Variants in CLNK observed in about 807,000 individuals in gnomAD.
CLNK encodes cytokine-dependent hematopoietic cell linker.
A neutral mutation model predicts 68.6 loss-of-function variants in CLNK; 74 were observed. The observed-to-expected ratio is 1.08, with a 90% CI of 0.89 to 1.31. The LOEUF (loss-of-function observed/expected upper bound fraction) is 1.31, where lower values mean the gene tolerates loss of function less well. Among genes scored for constraint, CLNK ranks in the 50% most tolerant of loss-of-function variants. The pLI, the probability that CLNK is intolerant of heterozygous loss-of-function variation, is 0.00. For synonymous variants in CLNK, 198 were observed against 172.2 expected, an observed-to-expected ratio of 1.15 and a Z score of -1.17; for missense variants, 553 against 515.3, an observed-to-expected ratio of 1.07 and a Z score of -0.71.
At chr4:10,682,770 G>A (rs1037727481) in intron 1 of CLNK, among the ~76,000 whole-genome samples, 7 of 151,818 alleles carry the variant, frequency 4.6e-5, no homozygotes, top group African/African-American at 1.2e-4. Flanking sequence ...GCTCTAATAC[G>A]TGCTCTGCCT....
intron 4 of CLNK, among the ~76,000 whole-genome samples, chr4:10,573,193 A>T (rs902915195): frequency 2.0e-5 from 3 of 152,206 alleles, no homozygotes; most frequent in Non-Finnish European, 4.4e-5. Context: ...ATATGAAATA[A>T]AGAGTTGTTA....
chr4:10,652,853 T>C (rs975093983), intron 2 of CLNK, among the ~76,000 whole-genome samples: 9 of 152,154 alleles, frequency 5.9e-5, no homozygotes, highest in African/African-American at 2.2e-4. Context: ...TGCAAAAAAA[T>C]GCCCCTTATA....
intron 2 of CLNK, among the ~76,000 whole-genome samples, chr4:10,609,320 T>G (rs1721916233): frequency 6.6e-6 from 1 of 152,218 alleles, no homozygotes; most frequent in South Asian, 2.1e-4. Flanking sequence ...TCATACTTAG[T>G]CAGAACTCCT....
At chr4:10,551,493 T>A (rs1367342987) in intron 8 of CLNK, among the ~76,000 whole-genome samples, 1 of 152,052 alleles carries the variant, frequency 6.6e-6, no homozygotes, top group Non-Finnish European at 1.5e-5. Flanking sequence ...GTCTCGAAAC[T>A]CCTGGGCTCA....
chr4:10,635,945 A>G (rs775376993), intron 2 of CLNK: 12 of 152,204 alleles, frequency 7.9e-5, no homozygotes, highest in Non-Finnish European at 1.5e-4. Context: ...GTTCTCTGCA[A>G]TTTGCTTTTC....
the CLNK span, among the ~76,000 whole-genome samples, chr4:10,701,287 G>A: frequency 6.6e-6 from 1 of 152,204 alleles, no homozygotes; most frequent in East Asian, 1.9e-4. Flanking sequence ...CCGCTTAAAA[G>A]TATTGTCTTC....
intron 2 of CLNK, among the ~76,000 whole-genome samples, chr4:10,647,280 C>T (rs559374253): frequency 5.2e-4 from 79 of 152,228 alleles, no homozygotes; most frequent in African/African-American, 1.8e-3. Flanking sequence ...GGACTTAGTA[C>T]CTGCTATCAC....
chr4:10,726,559 C>T, the CLNK span, among the ~76,000 whole-genome samples: 1 of 151,494 alleles, frequency 6.6e-6, no homozygotes, highest in Non-Finnish European at 1.5e-5. Context: ...AGGTTACACT[C>T]CTAGGTCCTG....
intron 1 of CLNK, among the ~76,000 whole-genome samples, chr4:10,673,508 G>A (rs1724746588): frequency 6.6e-6 from 1 of 152,166 alleles, no homozygotes; most frequent in African/African-American, 2.4e-5. Context: ...ATGAGTTCAT[G>A]TCCTTTACAG....
chr4:10,706,045 G>A, the CLNK span, among the ~76,000 whole-genome samples: 1 of 152,240 alleles, frequency 6.6e-6, no homozygotes, highest in Non-Finnish European at 1.5e-5. Flanking sequence ...GAACAAATGT[G>A]TGGAGAAGAG....
intron 2 of CLNK, among the ~76,000 whole-genome samples, chr4:10,633,658 T>A (rs977337913): frequency 2.0e-5 from 3 of 152,226 alleles, no homozygotes; most frequent in Admixed American, 6.5e-5. Context: ...GTCATCCTTG[T>A]ACTTCACTCA....
chr4:10,716,580 T>A, the CLNK span, among the ~76,000 whole-genome samples: 2 of 151,976 alleles, frequency 1.3e-5, no homozygotes, highest in African/African-American at 4.8e-5. Flanking sequence ...AGTTGAATAA[T>A]TAACAATCAA....
intron 5 of CLNK, among the ~76,000 whole-genome samples, chr4:10,571,437 C>A (rs895364424): frequency 6.8e-6 from 1 of 146,238 alleles, no homozygotes; most frequent in Non-Finnish European, 1.5e-5. Flanking sequence ...TGGGTTCAAG[C>A]GATTCTCCTG....
intron 1 of CLNK, among the ~76,000 whole-genome samples, chr4:10,680,366 G>A (rs768368811): frequency 7.8e-6 from 1 of 127,444 alleles, no homozygotes; most frequent in Non-Finnish European, 1.6e-5. Flanking sequence ...GGGGCCTGTG[G>A]TGGGTTGGGG....
the CLNK span, among the ~76,000 whole-genome samples, chr4:10,707,564 G>A: frequency 0.8 from 121,693 of 152,164 alleles, 49,008 homozygotes; most frequent in Admixed American, 0.86. Context: ...TTATGAATGT[G>A]CCTATTATTC....
chr4:10,616,183 T>C (rs1722219007), intron 2 of CLNK, among the ~76,000 whole-genome samples: 2 of 152,258 alleles, frequency 1.3e-5, no homozygotes, highest in South Asian at 4.1e-4. Context: ...GGTGGAAATA[T>C]GCTGCTGTTC....
chr4:10,595,232 C>A (rs1373913071), intron 3 of CLNK, among the ~76,000 whole-genome samples: 6 of 152,162 alleles, frequency 3.9e-5, no homozygotes, highest in African/African-American at 1.4e-4. Flanking sequence ...CTATTTTTCC[C>A]TATCTGTAAA....
intron 17 of CLNK, among the ~76,000 whole-genome samples, chr4:10,503,377 G>C (rs1232707552): frequency 3.3e-5 from 5 of 151,494 alleles, no homozygotes; most frequent in South Asian, 2.1e-4. Context: ...CAGGAGAATC[G>C]CTTGGACCCA....
chr4:10,534,494 C>A (rs898509484), intron 11 of CLNK, among the ~76,000 whole-genome samples: 3 of 152,052 alleles, frequency 2.0e-5, no homozygotes, highest in Non-Finnish European at 2.9e-5. Context: ...GAATTTGATT[C>A]TTGCTCTGTC....
Sources: gnomAD v4.1 joint callset for allele counts (sites outside exome capture counted in the v4.1 genomes callset) on GRCh38, gnomAD v4.1.1 for gene constraint, MANE v1.5 for transcripts, NCBI Gene and HGNC (gene_info 2026-07-23, HGNC 2026-07-21) for gene names.